The following FRMPD2 variants were observed in gnomAD, a reference collection of about 807,000 sequenced individuals.
FRMPD2 encodes the protein FERM and PDZ domain containing 2, also known as FERM and PDZ domain-containing protein 2.
A neutral mutation model predicts 140.1 loss-of-function variants in FRMPD2; 96 were observed. The ratio of observed to expected loss-of-function variants is 0.69; its 90% CI spans 0.58 to 0.81. The LOEUF (loss-of-function observed/expected upper bound fraction) is 0.81, where lower values mean the gene tolerates loss of function less well. Ranked by LOEUF, FRMPD2 falls within the 40% of genes least tolerant of loss-of-function variation. FRMPD2 has a pLI of 0.00. For missense variants in FRMPD2, 1,240 were observed against 1,447.4 expected (o/e 0.86, Z 2.32); for synonymous variants, 449 against 547.6 (o/e 0.82, Z 2.52).
At chr10:48,192,622 A>G (rs1838855021) in intron 16 of FRMPD2, 62 bp downstream of exon 16, 1 of 1,390,322 alleles carries the variant, frequency 7.2e-7, no homozygotes, top group African/African-American at 1.4e-5. Flanking sequence ...TTCAGTACAG[A>G]TCACTGCAAA....
At chr10:48,191,535 T>G (rs1486546556) in intron 16 of FRMPD2, among the ~76,000 whole-genome samples, 1 of 152,246 alleles carries the variant, frequency 6.6e-6, no homozygotes, top group Non-Finnish European at 1.5e-5. Flanking sequence ...TAGTTTGTGG[T>G]GCACGGCAAT....
intron 15 of FRMPD2, among the ~76,000 whole-genome samples, chr10:48,197,835 C>T (rs1056818008): frequency 6.6e-6 from 1 of 152,236 alleles, no homozygotes; most frequent in Non-Finnish European, 1.5e-5. Context: ...TGGGCCCCAA[C>T]AGCCACAGGT....
At chr10:48,212,404 T>C (rs1478437019) in intron 12 of FRMPD2, among the ~76,000 whole-genome samples, 2 of 152,148 alleles carry the variant, frequency 1.3e-5, no homozygotes, top group Non-Finnish European at 2.9e-5. Flanking sequence ...GAAGATGGCA[T>C]TGTCATTGCC....
Position 48,185,785 on chromosome 10 carries a change from A to G in FRMPD2, c.2267-140T>C, listed in dbSNP as rs140773727. The G allele has an allele frequency of 3.6e-3, 2,388 of 664,686 alleles. 10 individuals carry two copies. Among genetic ancestry groups the G allele is most frequent in the Middle Eastern group, 8.5e-3 (35 of 4,120 alleles). The allele number at this position is 664,686 out of a possible 1,614,324, so 41.2% of individuals were successfully genotyped here. A position where few individuals can be genotyped will look rare whatever the true frequency, so the allele number is the denominator to read the frequency against. Reference sequence around the variant, plus strand: ...ACAATCCTGAAAACAAAAGTAGCTCATATTTAATCTCCCAGCAGTGCTGGG... The same window carrying G: ...ACAATCCTGAAAACAAAAGTAGCTCGTATTTAATCTCCCAGCAGTGCTGGG... On this transcript the variant is annotated intron_variant, in intron 17 of 28. Transcript: ENST00000374201.
At chr10:48,253,629 A>G (rs1840433695) in intron 1 of FRMPD2, among the ~76,000 whole-genome samples, 2 of 152,212 alleles carry the variant, frequency 1.3e-5, no homozygotes. Context: ...TGAAAGAGAA[A>G]TTAAGACCTA....
intron 15 of FRMPD2, among the ~76,000 whole-genome samples, chr10:48,196,288 C>G (rs1308720041): frequency 2.0e-5 from 3 of 152,082 alleles, no homozygotes; most frequent in East Asian, 1.9e-4. Flanking sequence ...TTGAGCTTGT[C>G]CTTGCAGACA....
chr10:48,236,637 A>G (rs1213162597), intron 8 of FRMPD2, 84 bp from the exon 9 acceptor site: 3 of 1,222,988 alleles, frequency 2.5e-6, no homozygotes, highest in Non-Finnish European at 3.6e-6. Flanking sequence ...GCACCTCTGC[A>G]GCCCCCACCA....
chr10:48,210,837 G>A (rs1232955000), intron 13 of FRMPD2, among the ~76,000 whole-genome samples: 1 of 152,196 alleles, frequency 6.6e-6, no homozygotes, highest in Non-Finnish European at 1.5e-5. Flanking sequence ...TCAATTAAGG[G>A]CAAGAAAACA....
intron 1 of FRMPD2, among the ~76,000 whole-genome samples, chr10:48,256,121 A>G (rs1048415789): frequency 6.6e-6 from 1 of 152,176 alleles, no homozygotes; most frequent in Non-Finnish European, 1.5e-5. Flanking sequence ...AGAGTTCCAG[A>G]GGGCTGACTG....
chr10:48,204,309 G>A (rs1839154844), intron 14 of FRMPD2, among the ~76,000 whole-genome samples: 2 of 151,928 alleles, frequency 1.3e-5, no homozygotes, highest in East Asian at 3.9e-4. Context: ...TTTTTTTATG[G>A]GAATCCCATG....
chr10:48,239,428 A>G (rs1409618146), intron 7 of FRMPD2, among the ~76,000 whole-genome samples, 177 bp downstream of exon 7: 1 of 152,216 alleles, frequency 6.6e-6, no homozygotes, highest in African/African-American at 2.4e-5. Context: ...GCCCCTCATT[A>G]TCTTGGCTTC....
At chr10:48,229,229 C>T (rs1839796103) in intron 10 of FRMPD2, among the ~76,000 whole-genome samples, 2 of 152,056 alleles carry the variant, frequency 1.3e-5, no homozygotes, top group South Asian at 2.1e-4. Context: ...TCTTTTATTA[C>T]TTAAAAAAGT....
At chr10:48,193,430 A>T (rs1197696219) in intron 15 of FRMPD2, among the ~76,000 whole-genome samples, 3 of 152,226 alleles carry the variant, frequency 2.0e-5, no homozygotes, top group Admixed American at 2.0e-4. Flanking sequence ...ATAATATGAG[A>T]TGTGTTGGGT....
intron 2 of FRMPD2, among the ~76,000 whole-genome samples, chr10:48,251,226 T>A (rs1379260593): frequency 6.6e-6 from 1 of 152,192 alleles, no homozygotes; most frequent in Non-Finnish European, 1.5e-5. Flanking sequence ...CATGTGCTGT[T>A]AGACACCCAT....
chr10:48,205,555 G>A (rs1839183060), intron 14 of FRMPD2, among the ~76,000 whole-genome samples: 1 of 152,180 alleles, frequency 6.6e-6, no homozygotes, highest in African/African-American at 2.4e-5. Flanking sequence ...AAGTAATGTA[G>A]TAGTATTAAA....
chr10:48,238,226 C>T, intron 7 of FRMPD2, 103 bp from the exon 8 acceptor site: 1 of 1,162,630 alleles, frequency 8.6e-7, no homozygotes. Flanking sequence ...GGTGCACCCA[C>T]TGATGCATGT....
At chr10:48,245,556 C>T (rs72792249) in intron 3 of FRMPD2, among the ~76,000 whole-genome samples, 13,842 of 152,158 alleles carry the variant, frequency 0.091, 763 homozygotes, top group South Asian at 0.12. Context: ...CAAAAGTACC[C>T]GAAGGTGGTA....
intron 10 of FRMPD2, among the ~76,000 whole-genome samples, chr10:48,231,406 C>CA (rs1361852410): frequency 6.6e-6 from 1 of 152,242 alleles, no homozygotes; most frequent in Non-Finnish European, 1.5e-5. Context: ...GCTCGCCACT[C>CA]ACACAAGAAC....
At chr10:48,164,132 C>T (rs1190863357) in intron 27 of FRMPD2, among the ~76,000 whole-genome samples, 2 of 150,576 alleles carry the variant, frequency 1.3e-5, no homozygotes, top group African/African-American at 4.9e-5. Context: ...CAACTGCTCA[C>T]CTCCCTGTCA....
Sources: allele counts gnomAD v4.1 joint callset (sites outside exome capture counted in the v4.1 genomes callset), GRCh38; gene constraint gnomAD v4.1.1; transcripts MANE v1.5; gene names NCBI Gene and HGNC (gene_info 2026-07-23, HGNC 2026-07-21).